The following FRMD8 variants were observed in gnomAD, a reference collection of about 807,000 sequenced individuals.
FRMD8 encodes FERM domain-containing protein 8.
Under a neutral mutation model 54.2 loss-of-function variants are expected in FRMD8, and 37 were observed. That is an observed-to-expected ratio of 0.68 (90% CI 0.53 to 0.90). FRMD8 has a LOEUF of 0.90. FRMD8 is among the 40% of genes least tolerant of loss of function. The probability of loss-of-function intolerance (pLI) is 0.00; values close to 1 mark genes in which losing one functional copy is unlikely to be tolerated. For synonymous variants in FRMD8, 246 were observed against 286.9 expected (o/e 0.86, Z 1.44); for missense variants, 585 against 653.7 (o/e 0.89, Z 1.15).
chr11:65,389,289 G>T, intron 2 of FRMD8, 72 bp from the exon 3 acceptor site: 1 of 1,490,542 alleles, frequency 6.7e-7, no homozygotes, highest in Admixed American at 1.7e-5. Context: ...GGGTGGTAGA[G>T]GGTGCCTGGT....
In FRMD8 at chr11:65,399,873, C is replaced by G. The variant is rs778292582; in HGVS notation, c.927+14C>G. 3 of 1,608,052 alleles carry G rather than the reference C, an allele frequency of 1.9e-6. No individual in the cohort carries two copies. In the African/African-American group the frequency reaches 4.0e-5, roughly 21 times the overall value. On this transcript the variant is annotated intron_variant, in intron 8 of 10. Transcript: ENST00000317568. ...AGCAGAGAGAAGGTACTGCCCCCAG[C>G]TCCTCCAGGGTGGAGAGGATGGGAG...
At chr11:65,388,701 TC>T (rs1855780751) in intron 2 of FRMD8, among the ~76,000 whole-genome samples, 1 of 152,176 alleles carries the variant, frequency 6.6e-6, no homozygotes, top group African/African-American at 2.4e-5. Flanking sequence ...GGGCTGTTCT[TC>T]CCTAGCCTGC....
the FRMD8 span, among the ~76,000 whole-genome samples, chr11:65,369,737 A>G: frequency 6.8e-6 from 1 of 146,970 alleles, no homozygotes; most frequent in East Asian, 2.0e-4. Context: ...TAAATAAATA[A>G]ATAAATAAAA....
At chr11:65,405,501 T>C (rs913179353) in intron 10 of FRMD8, among the ~76,000 whole-genome samples, 1 of 152,214 alleles carries the variant, frequency 6.6e-6, no homozygotes. Flanking sequence ...CAGGCGCCTG[T>C]AATCCCAGCT....
the FRMD8 span, chr11:65,376,316 A>C: frequency 7.5e-6 from 11 of 1,472,804 alleles, no homozygotes; most frequent in Non-Finnish European, 6.5e-6. Flanking sequence ...AGCCTCTTGC[A>C]CTGATTTGCA....
At chr11:65,392,593 G>A (rs1855866817) in intron 3 of FRMD8, among the ~76,000 whole-genome samples, 1 of 152,156 alleles carries the variant, frequency 6.6e-6, no homozygotes, top group Non-Finnish European at 1.5e-5. Flanking sequence ...TTGAGTCCTG[G>A]GTCCAGAGCA....
At chr11:65,389,647 G>T in intron 3 of FRMD8, 119 bp downstream of exon 3, 1 of 1,080,760 alleles carries the variant, frequency 9.3e-7, no homozygotes, top group Non-Finnish European at 1.3e-6. Context: ...CATGGGGAAA[G>T]GTGGGACTTG....
In FRMD8 at chr11:65,387,118, C is replaced by T; in HGVS notation, c.82C>T (p.Arg28Ter). ...AAGCAGCGTGTCCTCCGTGGGAGCCCGAGGTGGGTCCCACCCGCATCTCCT... is the reference window on the plus strand; with the variant it reads ...AAGCAGCGTGTCCTCCGTGGGAGCCTGAGGTGGGTCCCACCCGCATCTCCT... ...HRSSVSSVGA[R>*]AADVLVYLAD... Residue 28 changes from arginine (R) to a stop codon, truncating the protein, a stop_gained, in exon 2 of 11, where the codon CGA becomes TGA. Coordinates refer to ENST00000317568, the MANE Select transcript of FRMD8 (RefSeq NM_031904.5). LOFTEE classifies it high-confidence loss of function. The T allele has an allele frequency of 1.2e-6, 2 of 1,604,762 alleles. No individual in the cohort carries two copies. Among genetic ancestry groups the T allele is most frequent in the Non-Finnish European group, 8.5e-7 (1 of 1,179,608 alleles).
the FRMD8 span, among the ~76,000 whole-genome samples, chr11:65,373,103 A>T: frequency 6.6e-6 from 1 of 152,186 alleles, no homozygotes; most frequent in Non-Finnish European, 1.5e-5. Context: ...AGTACAAAAA[A>T]ATTAGCCGGG....
rs1466071834 is a variant in FRMD8 at position 65,404,339 on chromosome 11, G to A, written c.1072-525G>A. ...CTGTCCTTGGTGCCCAGCTGTGCCC[G>A]CTGGCACCCGGCTGCTGCATCTTTT... On this transcript the variant is annotated intron_variant, in intron 9 of 10. Transcript: ENST00000317568. The surrounding 1 kb of genome is among the most constrained non-coding windows in gnomAD (Gnocchi z 4.7). Among the ~76,000 whole-genome samples, 2 of 152,144 alleles carry A rather than the reference G, an allele frequency of 1.3e-5. No homozygotes were observed. Among genetic ancestry groups the A allele is most frequent in the Admixed American group, 6.5e-5 (1 of 15,284 alleles).
chr11:65,403,938 G>A (rs1344541448), intron 9 of FRMD8, among the ~76,000 whole-genome samples: 1 of 152,198 alleles, frequency 6.6e-6, no homozygotes, highest in Non-Finnish European at 1.5e-5. Flanking sequence ...CCAGCCCACT[G>A]CCCTTTGGCT....
chr11:65,389,572 G>A, intron 3 of FRMD8, 44 bp downstream of exon 3: 1 of 1,528,646 alleles, frequency 6.5e-7, no homozygotes, highest in Non-Finnish European at 8.8e-7. Context: ...GGTTGGAAGG[G>A]CACTGACCAG....
At chr11:65,409,611 A>G (rs958741812) in intron 10 of FRMD8, among the ~76,000 whole-genome samples, 1 of 151,930 alleles carries the variant, frequency 6.6e-6, no homozygotes, top group Non-Finnish European at 1.5e-5. Flanking sequence ...ATCTCTATTT[A>G]AAAGATTAGC....
chr11:65,386,929 T>C, intron 1 of FRMD8, 108 bp from the exon 2 acceptor site: 1 of 986,418 alleles, frequency 1.0e-6, no homozygotes, highest in South Asian at 1.5e-5. Context: ...CCGCTCAACC[T>C]TGCGGACCCA....
the FRMD8 span, chr11:65,379,514 A>G: frequency 3.1e-6 from 5 of 1,613,248 alleles, no homozygotes; most frequent in Admixed American, 8.3e-5. Context: ...AGTTGACCAC[A>G]GCTATGCTGG....
At chr11:65,381,785 TG>T, upstream of FRMD8, 1 of 1,164,372 alleles carries the variant, frequency 8.6e-7, no homozygotes. Context: ...CTCAAACTCC[TG>T]GGCTCAAGTG....
rs151230902 is a variant in FRMD8, at chr11:65,387,220, G to C, written c.85+99G>C. On this transcript the variant is annotated intron_variant, in intron 2 of 10. Coordinates refer to ENST00000317568, the MANE Select transcript of FRMD8 (RefSeq NM_031904.5). ...TTCTTTTTCATTAAAGATAATTTAT[G>C]TATCGACTAAGAAATAATAAGGTAC... The C allele has an allele frequency of 8.1e-4, 796 of 988,596 alleles. 5 individuals carry two copies. In the African/African-American group the frequency reaches 0.011, roughly 14 times the overall value. 61.2% of individuals were successfully genotyped at this position (988,596 alleles called of 1,614,324 possible).
At chr11:65,389,272 C>A in intron 2 of FRMD8, 89 bp from the exon 3 acceptor site, 1 of 1,321,646 alleles carries the variant, frequency 7.6e-7, no homozygotes, top group Non-Finnish European at 1.1e-6. Flanking sequence ...GGGGCTCCAG[C>A]CCCAGTGGGT....
At chr11:65,379,022 C>G in the FRMD8 span, 2 of 296,502 alleles carry the variant, frequency 6.7e-6, no homozygotes, top group Non-Finnish European at 6.4e-6. Flanking sequence ...CTGCGGGGTG[C>G]TGGTGGTTCT....
Sources: gnomAD v4.1 joint callset for allele counts (sites outside exome capture counted in the v4.1 genomes callset) on GRCh38, gnomAD v4.1.1 for gene constraint, Gnocchi (gnomAD v3.1) non-coding constraint, MANE v1.5 for transcripts, NCBI Gene and HGNC (gene_info 2026-07-23, HGNC 2026-07-21) for gene names.